Variants in CDH13 observed in about 807,000 individuals in gnomAD.
CDH13 encodes cadherin 13.
Under a neutral mutation model 63.8 loss-of-function variants are expected in CDH13, and 24 were observed. That is an observed-to-expected ratio of 0.38 (90% confidence interval 0.27 to 0.53). The LOEUF (loss-of-function observed/expected upper bound fraction) is 0.53. CDH13 is among the 20% of genes least tolerant of loss of function. CDH13 has a pLI of 0.85. For synonymous variants in CDH13, 503 were observed against 355.3 expected, an observed-to-expected ratio of 1.42 and a Z score of -4.67; for missense variants, 1,049 against 903.1, an observed-to-expected ratio of 1.16 and a Z score of -2.07.
intron 5 of CDH13, among the ~76,000 whole-genome samples, chr16:83,299,049 T>C (rs988368239): frequency 4.6e-5 from 7 of 152,182 alleles, no homozygotes; most frequent in Non-Finnish European, 4.4e-5. Context: ...ATAAGCAATG[T>C]CAGTATATCT....
intron 4 of CDH13, 96 bp from the exon 5 acceptor site, chr16:83,217,249 C>G (rs958473836): frequency 4.8e-6 from 6 of 1,243,174 alleles, no homozygotes; most frequent in Non-Finnish European, 7.0e-6. Context: ...TGTGCTGGCA[C>G]CTGTGATTAG....
intron 1 of CDH13, among the ~76,000 whole-genome samples, chr16:82,754,987 G>A (rs1477326359): frequency 6.6e-6 from 1 of 152,206 alleles, no homozygotes; most frequent in Non-Finnish European, 1.5e-5. Context: ...TAGTTGCAAA[G>A]TTCTCCTTAC....
At chr16:83,244,995 A>C (rs1904844491) in intron 5 of CDH13, among the ~76,000 whole-genome samples, 1 of 152,100 alleles carries the variant, frequency 6.6e-6, no homozygotes, top group African/African-American at 2.4e-5. Flanking sequence ...CTTATCAGAG[A>C]ATGGTAGGAA....
At chr16:83,533,539 C>T (rs1417693094) in intron 7 of CDH13, among the ~76,000 whole-genome samples, 1 of 151,538 alleles carries the variant, frequency 6.6e-6, no homozygotes, top group African/African-American at 2.4e-5. Context: ...GGACCCAGCA[C>T]AAGGAGGTGG....
intron 1 of CDH13, among the ~76,000 whole-genome samples, chr16:82,717,897 T>G (rs904146098): frequency 2.6e-5 from 4 of 152,180 alleles, no homozygotes; most frequent in African/African-American, 4.8e-5. Context: ...ATTCCCAAAA[T>G]GCATGTGTCA....
chr16:83,409,941 G>A (rs1186204426), intron 6 of CDH13, among the ~76,000 whole-genome samples: 3 of 152,230 alleles, frequency 2.0e-5, no homozygotes, highest in African/African-American at 4.8e-5. Flanking sequence ...GCTGAGAAAT[G>A]TTTCCAGAAG....
chr16:82,872,821 A>G (rs1025137778), intron 2 of CDH13, among the ~76,000 whole-genome samples: 1 of 152,214 alleles, frequency 6.6e-6, no homozygotes, highest in Non-Finnish European at 1.5e-5. Flanking sequence ...TTAGCCAACT[A>G]TAGAAGAAAC....
intron 1 of CDH13, among the ~76,000 whole-genome samples, chr16:82,689,588 G>A (rs1915431446): frequency 6.6e-6 from 1 of 152,128 alleles, no homozygotes; most frequent in South Asian, 2.1e-4. Context: ...CTTGAAGATT[G>A]TTTTCTGGGA....
chr16:82,742,989 T>C (rs372672648), intron 1 of CDH13, among the ~76,000 whole-genome samples: 1 of 152,192 alleles, frequency 6.6e-6, no homozygotes, highest in Non-Finnish European at 1.5e-5. Context: ...AAAAAAATTA[T>C]GTAAGAGAAT....
chr16:82,858,553 G>A (rs2039799386), intron 2 of CDH13, 80 bp downstream of exon 2: 6 of 918,710 alleles, frequency 6.5e-6, no homozygotes, highest in South Asian at 1.4e-5. Context: ...GTCTCAGGAT[G>A]TGGTATTTCC....
At chr16:83,492,968 C>A (rs72791414) in intron 7 of CDH13, among the ~76,000 whole-genome samples, 37,599 of 152,120 alleles carry the variant, frequency 0.25, 5,088 homozygotes, top group African/African-American at 0.36. Flanking sequence ...AACCTGGCTT[C>A]AGAGAAATGG....
intron 1 of CDH13, among the ~76,000 whole-genome samples, chr16:82,632,553 T>G (rs77265122): frequency 0.01 from 1,586 of 152,226 alleles, 89 homozygotes; most frequent in Admixed American, 0.084. Flanking sequence ...CACACCAGTG[T>G]GTTGGTACAA....
At chr16:83,537,718 T>G (rs1237841656) in intron 7 of CDH13, among the ~76,000 whole-genome samples, 1 of 152,204 alleles carries the variant, frequency 6.6e-6, no homozygotes, top group South Asian at 2.1e-4. Flanking sequence ...TGGAAAGAAA[T>G]AAATCTATAT....
intron 8 of CDH13, among the ~76,000 whole-genome samples, chr16:83,659,782 A>C (rs765118219): frequency 1.3e-4 from 18 of 140,058 alleles, no homozygotes; most frequent in South Asian, 9.3e-4. Context: ...AGCAGTCCAC[A>C]ACCTTTTTTT....
At position 82,884,235 on chromosome 16, in the gene CDH13, C is replaced by G. The variant is rs377047028; in HGVS notation, c.157+25762C>G. Reference sequence around the variant, plus strand: ...TTAAAGTAGAGGCCACTTTTAAAAGCCTGGGCTCCCATGAGAAGGAAATCT... The same window carrying G: ...TTAAAGTAGAGGCCACTTTTAAAAGGCTGGGCTCCCATGAGAAGGAAATCT... On this transcript the variant is annotated intron_variant, in intron 2 of 13. Coordinates refer to ENST00000567109, the MANE Select transcript of CDH13 (RefSeq NM_001257.5). 1.8e-5 allele frequency: 8 copies of G among 455,398 alleles called. No homozygotes were observed. The East Asian group carries it at 4.9e-4, about 28-fold the overall frequency. The allele number at this position is 455,398 out of a possible 1,614,324, so 28.2% of individuals were successfully genotyped here. A position where few individuals can be genotyped will look rare whatever the true frequency, so the allele number is the denominator to read the frequency against.
At position 83,234,649 on chromosome 16, in the gene CDH13, G is replaced by A. The variant is rs149005631; in HGVS notation, c.636+17152G>A. Among the ~76,000 whole-genome samples, 46 of 152,238 alleles carry A rather than the reference G, an allele frequency of 3.0e-4. No homozygotes were observed. In the South Asian group the frequency reaches 6.6e-3, roughly 22 times the overall value. On this transcript the variant is annotated intron_variant, in intron 5 of 13. Coordinates refer to ENST00000567109, the MANE Select transcript of CDH13 (RefSeq NM_001257.5). The stretch of plus-strand genomic sequence containing the variant: ...GAAGTTAAGTCTCCCCTGCCATGCC[G>A]GGGGCATTGTTCTAGGCACAAGGGA...
At position 83,030,640 on chromosome 16, in the gene CDH13, TAAA is replaced by T. The variant is rs35207887; in HGVS notation, c.158-1349_158-1347del. On this transcript the variant is annotated intron_variant, in intron 2 of 13. Transcript: ENST00000567109. ...TCTGGATGACAGAGCAAGACTCTGTTAAAAAAAAAAAAAAAAAAAAAAAGCACC... is the reference window on the plus strand; with the variant it reads ...TCTGGATGACAGAGCAAGACTCTGTTAAAAAAAAAAAAAAAAAAAAGCACC... Among the ~76,000 whole-genome samples, 506 of 92,878 alleles carry T rather than the reference TAAA, an allele frequency of 5.4e-3. 5 individuals are homozygous for T. Among genetic ancestry groups the T allele is most frequent in the South Asian group, 0.026 (57 of 2,172 alleles). The allele number at this position is 92,878 out of a possible 152,430, so 60.9% of individuals were successfully genotyped here.
At chr16:82,680,298 A>G (rs1397999014) in intron 1 of CDH13, among the ~76,000 whole-genome samples, 5 of 152,226 alleles carry the variant, frequency 3.3e-5, no homozygotes, top group Non-Finnish European at 7.3e-5. Context: ...TACTTTCTGC[A>G]TGTCGTGTGT....
intron 7 of CDH13, among the ~76,000 whole-genome samples, chr16:83,572,837 G>C (rs1904768432): frequency 1.3e-5 from 2 of 152,168 alleles, no homozygotes; most frequent in African/African-American, 2.4e-5. Context: ...TTAAGGATTT[G>C]ATGCATTTAA....
Sources: gnomAD v4.1 joint callset for allele counts (sites outside exome capture counted in the v4.1 genomes callset) on GRCh38, gnomAD v4.1.1 for gene constraint, MANE v1.5 for transcripts, NCBI Gene and HGNC (gene_info 2026-07-23, HGNC 2026-07-21) for gene names.